The following KDM4C variants were observed in gnomAD, a reference collection of about 807,000 sequenced individuals.
KDM4C encodes the protein lysine-specific demethylase 4C.
A neutral mutation model predicts 129.3 loss-of-function variants in KDM4C; 81 were observed. That is an observed-to-expected ratio of 0.63 (90% CI 0.52 to 0.75). The LOEUF (loss-of-function observed/expected upper bound fraction) is 0.75. Among genes scored for constraint, KDM4C ranks in the 30% least tolerant of loss-of-function variants. The pLI, the probability that KDM4C is intolerant of heterozygous loss-of-function variation, is 0.00. For synonymous variants in KDM4C, 573 were observed against 456.1 expected (o/e 1.26, Z -3.26); for missense variants, 1,457 against 1,304.0 (o/e 1.12, Z -1.81).
At chr9:6,751,822 T>G (rs1818070760) in intron 1 of KDM4C, among the ~76,000 whole-genome samples, 1 of 152,100 alleles carries the variant, frequency 6.6e-6, no homozygotes, top group Admixed American at 6.6e-5. Flanking sequence ...TGGAAGAATT[T>G]GAGTAGAAAA....
intron 19 of KDM4C, among the ~76,000 whole-genome samples, chr9:7,158,974 C>G (rs1430349196): frequency 6.6e-6 from 1 of 152,156 alleles, no homozygotes; most frequent in Admixed American, 6.5e-5. Flanking sequence ...GTGTGGGAGT[C>G]TAAGTCTCTT....
Position 6,812,744 on chromosome 9 carries a change from G to A in KDM4C, c.321-1887G>A, listed in dbSNP as rs143937511. The stretch of plus-strand genomic sequence containing the variant: ...CTCCGGGAAATAGGGATGTACACCT[G>A]TCTCTGTCACCTGACTCTGATCTTT... On this transcript the variant is annotated intron_variant, in intron 3 of 21. Coordinates refer to ENST00000381309, the MANE Select transcript of KDM4C (RefSeq NM_015061.6). Among the ~76,000 whole-genome samples, 58 of 152,244 alleles carry A rather than the reference G, an allele frequency of 3.8e-4. No homozygotes were observed. In the East Asian group the frequency reaches 0.011, roughly 28 times the overall value.
At chr9:7,089,803 T>C (rs1450403660) in intron 17 of KDM4C, among the ~76,000 whole-genome samples, 1 of 152,204 alleles carries the variant, frequency 6.6e-6, no homozygotes, top group Admixed American at 6.5e-5. Context: ...AACAAAACCT[T>C]GCCATATTTT....
intron 8 of KDM4C, among the ~76,000 whole-genome samples, chr9:6,931,930 A>G (rs1823816752): frequency 6.6e-6 from 1 of 152,228 alleles, no homozygotes; most frequent in Non-Finnish European, 1.5e-5. Context: ...AGTTGAAAAG[A>G]TATCCTAAGC....
At chr9:7,014,661 A>C (rs1414009220) in intron 14 of KDM4C, among the ~76,000 whole-genome samples, 1 of 152,166 alleles carries the variant, frequency 6.6e-6, no homozygotes, top group African/African-American at 2.4e-5. Flanking sequence ...TCCAGATCTT[A>C]CCAAATCACA....
chr9:7,136,630 G>A (rs141889887), intron 19 of KDM4C, among the ~76,000 whole-genome samples: 58 of 152,288 alleles, frequency 3.8e-4, no homozygotes, highest in African/African-American at 1.2e-3. Context: ...TGTCTTCTAC[G>A]ATGAAAAGCC....
At chr9:7,019,639 G>A (rs1453612555) in intron 15 of KDM4C, among the ~76,000 whole-genome samples, 1 of 147,992 alleles carries the variant, frequency 6.8e-6, no homozygotes, top group East Asian at 1.9e-4. Flanking sequence ...AGAATTGTAT[G>A]TGGTGGTTCT....
rs1823625767 is a variant in KDM4C at position 6,931,004 on chromosome 9, G to T, written c.921+37772G>T. On this transcript the variant is annotated intron_variant, in intron 8 of 21. Transcript: ENST00000381309. ...CTGAAATATGCAACTGCATTCTTAT[G>T]CTTCTTTGCCTGTGACTGATGTCTT... is the stretch of plus-strand genomic sequence containing the variant. Among the ~76,000 whole-genome samples, 8 of 152,046 alleles carry T rather than the reference G, an allele frequency of 5.3e-5. No individual in the cohort carries two copies. In the South Asian group the frequency reaches 1.5e-3, roughly 28 times the overall value.
At chr9:7,096,696 C>T (rs901868118) in intron 17 of KDM4C, among the ~76,000 whole-genome samples, 3 of 151,976 alleles carry the variant, frequency 2.0e-5, no homozygotes, top group Non-Finnish European at 2.9e-5. Context: ...AGAATTCGTC[C>T]AACTGTAAAG....
At chr9:7,043,306 C>A (rs1200384031) in intron 15 of KDM4C, among the ~76,000 whole-genome samples, 2 of 151,900 alleles carry the variant, frequency 1.3e-5, no homozygotes, top group Admixed American at 1.3e-4. Flanking sequence ...TCCTTAAATT[C>A]TTTCATTGAA....
intron 1 of KDM4C, among the ~76,000 whole-genome samples, chr9:6,776,586 G>A (rs1823094927): frequency 7.3e-6 from 1 of 137,374 alleles, no homozygotes; most frequent in South Asian, 2.3e-4. Flanking sequence ...TTCAAGGCCT[G>A]TCTCAAACCC....
At chr9:7,012,201 C>T (rs996784076) in intron 13 of KDM4C, among the ~76,000 whole-genome samples, 8 of 152,076 alleles carry the variant, frequency 5.3e-5, no homozygotes, top group Non-Finnish European at 1.0e-4. Flanking sequence ...ACAGTAGCTA[C>T]GACTATAGGT....
chr9:7,105,757 G>C lies in KDM4C; in HGVS notation c.2610+1887G>C, dbSNP rs563264863. 5.9e-5 allele frequency among the ~76,000 whole-genome samples: 9 copies of C among 152,258 alleles called. No individual in the cohort carries two copies. The East Asian group carries it at 1.5e-3, about 26-fold the overall frequency. On this transcript the variant is annotated intron_variant, in intron 18 of 21. Coordinates refer to ENST00000381309, the MANE Select transcript of KDM4C (RefSeq NM_015061.6). ...TGTGGTTACTGATGACTATATTGAA[G>C]TTGCTATTAAAGAGATCCAGGTGTT...
chr9:6,801,777 T>A (rs538167199), intron 2 of KDM4C, among the ~76,000 whole-genome samples: 1 of 151,974 alleles, frequency 6.6e-6, no homozygotes, highest in African/African-American at 2.4e-5. Context: ...AATAGTAAAA[T>A]GATAAAGAGA....
At chr9:6,762,268 G>C (rs1300517138) in intron 1 of KDM4C, among the ~76,000 whole-genome samples, 1 of 151,288 alleles carries the variant, frequency 6.6e-6, no homozygotes, top group Non-Finnish European at 1.5e-5. Context: ...CCCACAACAG[G>C]CCCTGGTGTG....
At chr9:6,783,487 G>A (rs996033121) in intron 1 of KDM4C, among the ~76,000 whole-genome samples, 1 of 152,262 alleles carries the variant, frequency 6.6e-6, no homozygotes. Flanking sequence ...GCATTTTTCC[G>A]AGGTGTATTG....
At chr9:6,806,544 T>C (rs537044074) in intron 3 of KDM4C, among the ~76,000 whole-genome samples, 2 of 149,440 alleles carry the variant, frequency 1.3e-5, no homozygotes, top group Admixed American at 1.3e-4. Flanking sequence ...TAATCCCAAA[T>C]CTTAGCTGCT....
At chr9:6,847,424 A>C (rs1188234276) in intron 4 of KDM4C, among the ~76,000 whole-genome samples, 4 of 151,486 alleles carry the variant, frequency 2.6e-5, no homozygotes, top group Non-Finnish European at 5.9e-5. Flanking sequence ...TTTGAGACGG[A>C]GTCTTGCTCT....
intron 4 of KDM4C, chr9:6,834,683 A>T: frequency 1.2e-6 from 1 of 835,174 alleles, no homozygotes; most frequent in Non-Finnish European, 2.1e-6. Flanking sequence ...TGGCATCATT[A>T]CCAACTGGGA....
Sources: gnomAD v4.1 joint callset for allele counts (sites outside exome capture counted in the v4.1 genomes callset) on GRCh38, gnomAD v4.1.1 for gene constraint, MANE v1.5 for transcripts, NCBI Gene and HGNC (gene_info 2026-07-23, HGNC 2026-07-21) for gene names.